RANBP17: variants seen among roughly 807,000 people sequenced by gnomAD.
RANBP17 encodes the protein ran-binding protein 17.
Under a neutral mutation model 141.2 loss-of-function variants are expected in RANBP17, and 158 were observed. That is an observed-to-expected ratio of 1.12 (90% CI 0.98 to 1.28). RANBP17 has a LOEUF of 1.28. RANBP17 is among the 50% of genes most tolerant of loss of function. The pLI, the probability that RANBP17 is intolerant of heterozygous loss-of-function variation, is 0.00. For missense variants in RANBP17, 1,438 were observed against 1,290.7 expected (o/e 1.11, Z -1.75); for synonymous variants, 430 against 450.0 (o/e 0.96, Z 0.56).
At chr5:171,091,368 A>T (rs369263934) in intron 14 of RANBP17, among the ~76,000 whole-genome samples, 2 of 93,144 alleles carry the variant, frequency 2.1e-5, no homozygotes, top group African/African-American at 5.6e-5. Context: ...GGCTGTATTT[A>T]TCCAATGCCT....
At chr5:171,183,109 G>T in intron 16 of RANBP17, 58 bp from the exon 17 acceptor site, 2 of 922,638 alleles carry the variant, frequency 2.2e-6, no homozygotes, top group South Asian at 2.9e-5. Context: ...GTTACTTTGT[G>T]ATTTATTACA....
intron 3 of RANBP17, among the ~76,000 whole-genome samples, chr5:170,886,192 T>C (rs962162217): frequency 1.3e-5 from 2 of 152,228 alleles, no homozygotes; most frequent in African/African-American, 2.4e-5. Flanking sequence ...TAGGGGCACA[T>C]AGACCACTTT....
intron 25 of RANBP17, among the ~76,000 whole-genome samples, chr5:171,277,566 A>G (rs965293644): frequency 5.1e-5 from 7 of 138,164 alleles, no homozygotes; most frequent in Non-Finnish European, 1.1e-4. Context: ...GATTATGATG[A>G]AAAAAAAAAC....
intron 25 of RANBP17, among the ~76,000 whole-genome samples, chr5:171,270,555 A>G (rs1390557545): frequency 6.6e-6 from 1 of 152,184 alleles, no homozygotes; most frequent in African/African-American, 2.4e-5. Flanking sequence ...TCGGAAGACA[A>G]CATTTCTATG....
intron 14 of RANBP17, among the ~76,000 whole-genome samples, chr5:171,081,603 A>G (rs1785262374): frequency 6.6e-6 from 1 of 152,108 alleles, no homozygotes; most frequent in African/African-American, 2.4e-5. Flanking sequence ...CAGCTTATTT[A>G]TTTTGTGATT....
rs367743106 is a variant in RANBP17 at position 171,243,748 on chromosome 5, T to A, written c.2776+928T>A. Among the ~76,000 whole-genome samples, 194 of 152,294 alleles carry A rather than the reference T, an allele frequency of 1.3e-3. 9 individuals are homozygous for A. In the South Asian group the frequency reaches 0.039, roughly 30 times the overall value. ...GAAGTAGAATCTTCAAGTTGACTAA[T>A]CTTTTCTTCTGTGATACCTAATATT... On this transcript the variant is annotated intron_variant, in intron 24 of 27. Transcript: ENST00000523189.
intron 14 of RANBP17, among the ~76,000 whole-genome samples, chr5:170,979,717 C>A (rs1330282213): frequency 6.6e-6 from 1 of 152,216 alleles, no homozygotes; most frequent in East Asian, 1.9e-4. Flanking sequence ...TGAGGCCTCC[C>A]CAACCATATG....
At chr5:171,083,754 C>A (rs1036377443) in intron 14 of RANBP17, among the ~76,000 whole-genome samples, 5 of 152,064 alleles carry the variant, frequency 3.3e-5, no homozygotes, top group Non-Finnish European at 7.4e-5. Flanking sequence ...AGGTCTTTCC[C>A]ATGCTGTTCT....
At chr5:170,962,409 G>A (rs796315923) in intron 13 of RANBP17, among the ~76,000 whole-genome samples, 4 of 152,154 alleles carry the variant, frequency 2.6e-5, no homozygotes, top group Admixed American at 2.6e-4. Flanking sequence ...GGGAATGTGT[G>A]CTATAAAAAG....
intron 16 of RANBP17, 31 bp downstream of exon 16, chr5:171,171,317 G>A (rs376812653): frequency 5.2e-5 from 66 of 1,264,642 alleles, no homozygotes; most frequent in Non-Finnish European, 7.4e-5. Flanking sequence ...CTGACATTAT[G>A]TGTAAACAAC....
intron 14 of RANBP17, among the ~76,000 whole-genome samples, chr5:171,047,898 A>C (rs918138200): frequency 1.1e-4 from 17 of 152,096 alleles, no homozygotes; most frequent in Non-Finnish European, 2.2e-4. Context: ...GAGTCTAATT[A>C]TTACATTTTT....
chr5:171,202,901 C>T (rs1297521300), intron 19 of RANBP17, among the ~76,000 whole-genome samples: 1 of 152,142 alleles, frequency 6.6e-6, no homozygotes, highest in African/African-American at 2.4e-5. Flanking sequence ...AGTGCCACTA[C>T]AGTAAAGGGT....
In RANBP17 at chr5:170,909,642, T is replaced by G; in HGVS notation, c.490-19T>G. 7.9e-7 allele frequency: 1 copy of G among 1,258,676 alleles called. No individual in the cohort carries two copies. The highest frequency in any genetic ancestry group is 1.1e-6 in the Non-Finnish European group (1 of 877,980). The allele number at this position is 1,258,676 out of a possible 1,614,324, so 78.0% of individuals were successfully genotyped here. A position where few individuals can be genotyped will look rare whatever the true frequency, so the allele number is the denominator to read the frequency against. On this transcript the variant is annotated intron_variant, in intron 5 of 27. Transcript: ENST00000523189. ...TTTTCATAGGTCTGGTTAAACTAAT[T>G]TCATCTTTATCTTTTTAGGTTGATT...
intron 14 of RANBP17, among the ~76,000 whole-genome samples, chr5:171,072,112 G>A (rs1784668490): frequency 6.6e-6 from 1 of 152,072 alleles, no homozygotes; most frequent in South Asian, 2.1e-4. Context: ...TAATCCAAAA[G>A]GGAGTGATGA....
At chr5:171,062,318 T>C (rs1783939817) in intron 14 of RANBP17, among the ~76,000 whole-genome samples, 1 of 152,254 alleles carries the variant, frequency 6.6e-6, no homozygotes, top group Non-Finnish European at 1.5e-5. Flanking sequence ...TTTCCATGTT[T>C]AGTGCTTCCT....
chr5:171,230,914 A>G (rs1261457963), intron 22 of RANBP17, among the ~76,000 whole-genome samples: 1 of 151,838 alleles, frequency 6.6e-6, no homozygotes, highest in Non-Finnish European at 1.5e-5. Context: ...AGAGAGAGGA[A>G]CAGAATTAGG....
intron 16 of RANBP17, among the ~76,000 whole-genome samples, chr5:171,178,773 A>T (rs541180344): frequency 1.3e-5 from 2 of 152,260 alleles, no homozygotes; most frequent in South Asian, 4.1e-4. Flanking sequence ...AATGACCAGT[A>T]ATGATAAGCT....
chr5:171,093,738 T>C (rs1024294487), intron 14 of RANBP17, among the ~76,000 whole-genome samples: 3 of 152,240 alleles, frequency 2.0e-5, no homozygotes, highest in Admixed American at 6.5e-5. Context: ...TTTTCACTTA[T>C]AGCAGTAATC....
intron 19 of RANBP17, among the ~76,000 whole-genome samples, chr5:171,203,945 A>C (rs1333678725): frequency 6.6e-6 from 1 of 152,202 alleles, no homozygotes; most frequent in Non-Finnish European, 1.5e-5. Flanking sequence ...AGTTTGAAGA[A>C]GGCTTCTTAG....
Sources: gnomAD v4.1 joint callset for allele counts (sites outside exome capture counted in the v4.1 genomes callset) on GRCh38, gnomAD v4.1.1 for gene constraint, MANE v1.5 for transcripts, NCBI Gene and HGNC (gene_info 2026-07-23, HGNC 2026-07-21) for gene names.